Variants in MDFIC observed in about 807,000 individuals in gnomAD.
MDFIC encodes myoD family inhibitor domain-containing protein.
In MDFIC, 17 loss-of-function variants were observed where a neutral mutation model predicts 23.2. The ratio of observed to expected loss-of-function variants is 0.73; its 90% CI spans 0.50 to 1.10. The LOEUF (loss-of-function observed/expected upper bound fraction) is 1.10, where lower values mean the gene tolerates loss of function less well. Among genes scored for constraint, MDFIC ranks in the 50% least tolerant of loss-of-function variants. The pLI is 0.00. For synonymous variants in MDFIC, 120 were observed against 115.2 expected, an observed-to-expected ratio of 1.04 and a Z score of -0.27; for missense variants, 356 against 316.6, an observed-to-expected ratio of 1.12 and a Z score of -0.95.
intron 3 of MDFIC, among the ~76,000 whole-genome samples, chr7:114,966,046 AT>A (rs919847750): frequency 6.6e-6 from 1 of 152,164 alleles, no homozygotes; most frequent in African/African-American, 2.4e-5. Context: ...ACTTCTCTAG[AT>A]TTTTTTAAAG....
At chr7:114,923,722 A>T (rs1201395976) in intron 2 of MDFIC, 1 of 1,233,350 alleles carries the variant, frequency 8.1e-7, no homozygotes, top group Non-Finnish European at 1.1e-6. Flanking sequence ...AGCCTATAAA[A>T]TACTCTTGTG....
In MDFIC at chr7:114,938,162, G is replaced by C. The variant is rs1027649895; in HGVS notation, c.95-4113G>C. On this transcript the variant is annotated intron_variant, in intron 2 of 4. Coordinates refer to ENST00000393486, the MANE Select transcript of MDFIC (RefSeq NM_001166345.3). ...CTAGAGATGGGGTTTTACCATGTTGGTCAGGCTGGTCTCGAACTCCTGACC... is the reference window on the plus strand; with the variant it reads ...CTAGAGATGGGGTTTTACCATGTTGCTCAGGCTGGTCTCGAACTCCTGACC... Among the ~76,000 whole-genome samples, 20 of 151,962 alleles carry C rather than the reference G, an allele frequency of 1.3e-4. No homozygotes were observed. The East Asian group carries it at 3.9e-3, about 30-fold the overall frequency.
Position 115,016,240 on chromosome 7 carries a change from T to C in MDFIC, c.*305T>C, listed in dbSNP as rs28450959. On this transcript the variant is annotated 3_prime_UTR_variant, in exon 5 of 5. Transcript: ENST00000393486. ...CTTTTTACCGATATTTCTGTTTCTTTTAACCGTTCTCAGGAGCACTTTGCT... is the reference window on the plus strand; with the variant it reads ...CTTTTTACCGATATTTCTGTTTCTTCTAACCGTTCTCAGGAGCACTTTGCT... The C allele has an allele frequency of 3.7e-3, 1,162 of 313,232 alleles. 10 individuals carry two copies. The highest frequency in any genetic ancestry group is 0.024 in the African/African-American group (1,086 of 45,858). The allele number at this position is 313,232 out of a possible 1,614,324, so 19.4% of individuals were successfully genotyped here. A position where few individuals can be genotyped will look rare whatever the true frequency, so the allele number is the denominator to read the frequency against.
intron 3 of MDFIC, among the ~76,000 whole-genome samples, chr7:114,973,101 GTA>G (rs61549771): frequency 3.7e-4 from 55 of 147,756 alleles, no homozygotes; most frequent in African/African-American, 7.5e-4. Flanking sequence ...GTGTGTGTGT[GTA>G]TATATATATA....
intron 4 of MDFIC, among the ~76,000 whole-genome samples, chr7:115,010,507 T>C (rs1236792495): frequency 6.6e-6 from 1 of 152,220 alleles, no homozygotes; most frequent in Admixed American, 6.5e-5. Flanking sequence ...TTTAAAAAAA[T>C]ACAGAATATG....
intron 4 of MDFIC, among the ~76,000 whole-genome samples, chr7:115,012,892 T>C (rs1383999027): frequency 6.6e-6 from 1 of 151,932 alleles, no homozygotes; most frequent in Non-Finnish European, 1.5e-5. Flanking sequence ...GGCAGGAAAA[T>C]CGCTTGAACC....
intron 4 of MDFIC, among the ~76,000 whole-genome samples, chr7:114,983,445 A>G (rs1269611974): frequency 6.6e-6 from 1 of 152,148 alleles, no homozygotes; most frequent in Non-Finnish European, 1.5e-5. Context: ...TTGCTTATAC[A>G]GAGGTAGGGT....
Position 114,942,305 on chromosome 7 carries a change from A to T in MDFIC, c.125A>T (p.Asp42Val), listed in dbSNP as rs1199925291. The T allele has an allele frequency of 6.4e-7, 1 of 1,571,122 alleles. No homozygotes were observed. The highest frequency in any genetic ancestry group is 8.7e-7 in the Non-Finnish European group (1 of 1,145,152). Residue 42 changes from aspartate (D) to valine (V), a missense_variant, in exon 3 of 5, where the codon GAT becomes GTT. Physicochemically the swap from Asp to Val is radical, Grantham distance 152. Transcript: ENST00000393486. The stretch of plus-strand genomic sequence containing the variant: ...TGTGATAAAGACAATACTGAGAAAG[A>T]TATAACTCAAGCTACCAATAGCCAC... ...GKCDKDNTEK[D>V]ITQATNSHFT...
intron 4 of MDFIC, among the ~76,000 whole-genome samples, chr7:115,000,432 A>G: frequency 6.6e-6 from 1 of 152,166 alleles, no homozygotes; most frequent in East Asian, 1.9e-4. Flanking sequence ...TGGGTATTCT[A>G]TGTTATGGAT....
chr7:114,938,870 C>A (rs1343704837), intron 2 of MDFIC, among the ~76,000 whole-genome samples: 1 of 152,092 alleles, frequency 6.6e-6, no homozygotes, highest in Non-Finnish European at 1.5e-5. Context: ...GGGCTGAGTT[C>A]TTTGTTTCTC....
At chr7:114,982,974 A>G (rs954758414) in intron 4 of MDFIC, among the ~76,000 whole-genome samples, 8 of 152,178 alleles carry the variant, frequency 5.3e-5, no homozygotes, top group Non-Finnish European at 1.0e-4. Flanking sequence ...AATTAGGGAG[A>G]AGCCCTCATG....
chr7:114,976,322 G>T (rs1210501497), intron 3 of MDFIC, among the ~76,000 whole-genome samples: 2 of 152,064 alleles, frequency 1.3e-5, no homozygotes, highest in East Asian at 3.8e-4. Flanking sequence ...CTTTCCAGAG[G>T]AAAAAGTGGC....
At chr7:114,967,153 G>C (rs1793114691) in intron 3 of MDFIC, among the ~76,000 whole-genome samples, 1 of 152,082 alleles carries the variant, frequency 6.6e-6, no homozygotes, top group Admixed American at 6.6e-5. Flanking sequence ...TCTTTCTTAA[G>C]AGATTACAGA....
chr7:114,922,905 A>C, intron 1 of MDFIC, 22 bp from the exon 2 acceptor site: 1 of 1,564,458 alleles, frequency 6.4e-7, no homozygotes, highest in Non-Finnish European at 8.6e-7. Flanking sequence ...TTTTTTTTTA[A>C]TTTTGTATAT....
chr7:114,922,147 G>A lies in MDFIC; in HGVS notation c.-597G>A, dbSNP rs1029748885. 8 of 343,908 alleles carry A rather than the reference G, an allele frequency of 2.3e-5. No individual in the cohort carries two copies. Among genetic ancestry groups the A allele is most frequent in the Non-Finnish European group, 4.2e-5 (8 of 191,978 alleles). The allele number at this position is 343,908 out of a possible 1,614,324, so 21.3% of individuals were successfully genotyped here. ...GGCGCAGCGCCCGGGTGGGGAGCCC[G>A]AGCCAGCCCAGGCCGGCTCTGGCCT... On this transcript the variant is annotated 5_prime_UTR_variant, in exon 1 of 5. Transcript: ENST00000393486.
At chr7:114,998,366 G>T (rs1791386930) in intron 4 of MDFIC, among the ~76,000 whole-genome samples, 1 of 151,854 alleles carries the variant, frequency 6.6e-6, no homozygotes, top group South Asian at 2.1e-4. Context: ...TTTATATTTT[G>T]CATTAGTCTA....
chr7:114,973,478 A>G (rs1482577255), intron 3 of MDFIC, among the ~76,000 whole-genome samples: 2 of 152,166 alleles, frequency 1.3e-5, no homozygotes, highest in African/African-American at 4.8e-5. Flanking sequence ...TCATTCCTTT[A>G]GAGAGAACGT....
At chr7:114,944,407 CTCCAT>C (rs1346381307) in intron 3 of MDFIC, among the ~76,000 whole-genome samples, 1 of 152,156 alleles carries the variant, frequency 6.6e-6, no homozygotes, top group Non-Finnish European at 1.5e-5. Flanking sequence ...ATTTCAAAAA[CTCCAT>C]TTTTGTTATT....
intron 2 of MDFIC, among the ~76,000 whole-genome samples, chr7:114,926,587 G>A (rs2115678610): frequency 6.6e-6 from 1 of 152,276 alleles, no homozygotes; most frequent in East Asian, 1.9e-4. Flanking sequence ...GTGATAATGT[G>A]TGATTTAATG....
Sources: allele counts gnomAD v4.1 joint callset (sites outside exome capture counted in the v4.1 genomes callset), GRCh38; gene constraint gnomAD v4.1.1; transcripts MANE v1.5; gene names NCBI Gene and HGNC (gene_info 2026-07-23, HGNC 2026-07-21).